GREB1: variants seen among roughly 807,000 people sequenced by gnomAD.
GREB1 encodes the protein protein GREB1.
GREB1 carries 106 observed loss-of-function variants against 200.7 expected under a neutral mutation model. The observed-to-expected ratio is 0.53, with a 90% CI of 0.45 to 0.62. The LOEUF (loss-of-function observed/expected upper bound fraction) is 0.62, where lower values mean the gene tolerates loss of function less well. Among genes scored for constraint, GREB1 ranks in the 20% least tolerant of loss-of-function variants. The pLI is 0.00. For synonymous variants in GREB1, 1,132 were observed against 1,092.4 expected, an observed-to-expected ratio of 1.04 and a Z score of -0.72; for missense variants, 2,243 against 2,556.8, an observed-to-expected ratio of 0.88 and a Z score of 2.65.
Position 11,573,505 on chromosome 2 carries a change from T to C in GREB1, c.455-2848T>C, listed in dbSNP as rs887972131. Among the ~76,000 whole-genome samples the C allele has an allele frequency of 2.0e-5, 3 of 152,188 alleles. No individual in the cohort carries two copies. The East Asian group carries it at 5.8e-4, about 29-fold the overall frequency. Reference sequence around the variant, plus strand: ...GTAGATTTCTGAAGAGAACGGCTCATTATTTTCCTCTTTCTCATGAACATT... The same window carrying C: ...GTAGATTTCTGAAGAGAACGGCTCACTATTTTCCTCTTTCTCATGAACATT... On this transcript the variant is annotated intron_variant, in intron 4 of 32. Transcript: ENST00000381486.
At chr2:11,487,997 G>A (rs911795649) in intron 1 of GREB1, among the ~76,000 whole-genome samples, 4 of 152,150 alleles carry the variant, frequency 2.6e-5, no homozygotes, top group African/African-American at 9.7e-5. Flanking sequence ...TTCGCCTCTC[G>A]GGGCTCAGGT....
At chr2:11,513,908 G>C (rs1250489300) in intron 1 of GREB1, among the ~76,000 whole-genome samples, 1 of 152,186 alleles carries the variant, frequency 6.6e-6, no homozygotes, top group African/African-American at 2.4e-5. Context: ...ATAATCTGTG[G>C]CAGGTACTGA....
At chr2:11,638,049 T>C in intron 31 of GREB1, 133 bp downstream of exon 31, 1 of 771,826 alleles carries the variant, frequency 1.3e-6, no homozygotes, top group Non-Finnish European at 2.1e-6. Context: ...TTGTAGGTTT[T>C]GCCATTCAGC....
In GREB1 at chr2:11,597,604, C is replaced by T. The variant is rs1275806573; in HGVS notation, c.1955-177C>T. ...GCATAAAATGATTGCTACCCCCACA[C>T]CCGCCACTGCTTAGCTGAGAGCAGG... On this transcript the variant is annotated intron_variant, in intron 13 of 32. Coordinates refer to ENST00000381486, the MANE Select transcript of GREB1 (RefSeq NM_014668.4). This position sits in a 1 kb window ranked among gnomAD's most constrained non-coding sequence, Gnocchi z 4.1. 6.6e-6 allele frequency among the ~76,000 whole-genome samples: 1 copy of T among 152,172 alleles called. No homozygotes were observed. Among genetic ancestry groups the T allele is most frequent in the South Asian group, 2.1e-4 (1 of 4,822 alleles).
intron 1 of GREB1, among the ~76,000 whole-genome samples, chr2:11,503,194 T>G (rs773697191): frequency 1.1e-4 from 16 of 152,182 alleles, no homozygotes; most frequent in Non-Finnish European, 1.8e-4. Context: ...GGAAGTCCCC[T>G]TTTCTCCTCC....
chr2:11,637,288 A>G (rs1685459420), intron 30 of GREB1, among the ~76,000 whole-genome samples: 1 of 150,922 alleles, frequency 6.6e-6, no homozygotes, highest in African/African-American at 2.4e-5. Flanking sequence ...GTAGATGTAA[A>G]CGTGTTGGTG....
chr2:11,521,890 T>C (rs528109910), intron 1 of GREB1, among the ~76,000 whole-genome samples: 1 of 152,326 alleles, frequency 6.6e-6, no homozygotes, highest in East Asian at 1.9e-4. Context: ...TTGTACAATG[T>C]ACTCCACTGT....
intron 30 of GREB1, 98 bp from the exon 31 acceptor site, chr2:11,637,618 C>A: frequency 3.1e-6 from 3 of 960,944 alleles, no homozygotes; most frequent in Admixed American, 1.9e-5. Context: ...CTGAGTGACA[C>A]AAGCTCCCAT....
rs1685838994 is a variant in GREB1 at position 11,641,931 on chromosome 2, A to G, written c.*1477A>G. On this transcript the variant is annotated 3_prime_UTR_variant, in exon 33 of 33. Transcript: ENST00000381486. Reference sequence around the variant, plus strand: ...AAGATGAGAAGGTTGAGATGCAAAGAGTCTACCTTTCCAAGTTCTCACTGC... The same window carrying G: ...AAGATGAGAAGGTTGAGATGCAAAGGGTCTACCTTTCCAAGTTCTCACTGC... The G allele has an allele frequency of 6.6e-6, 1 of 152,184 alleles. No homozygotes were observed. 9.4% of individuals were successfully genotyped at this position (152,184 alleles called of 1,614,324 possible).
Position 11,582,702 on chromosome 2 carries a change from G to A in GREB1, c.901+1870G>A, listed in dbSNP as rs143830921. Among the ~76,000 whole-genome samples the A allele has an allele frequency of 3.0e-3, 460 of 152,354 alleles. 2 individuals carry two copies. Among genetic ancestry groups the A allele is most frequent in the African/African-American group, 9.6e-3 (398 of 41,588 alleles). Reference sequence around the variant, plus strand: ...CTGGTACCAGCTGCTGGGGAGCTCCGCCAGAGGGCATGACGCTGGCTGGGT... The same window carrying A: ...CTGGTACCAGCTGCTGGGGAGCTCCACCAGAGGGCATGACGCTGGCTGGGT... On this transcript the variant is annotated intron_variant, in intron 7 of 32. Transcript: ENST00000381486.
chr2:11,614,884 A>G (rs1683272287), intron 19 of GREB1, among the ~76,000 whole-genome samples: 2 of 152,184 alleles, frequency 1.3e-5, no homozygotes, highest in Non-Finnish European at 2.9e-5. Context: ...AGCTAAATGC[A>G]TAGTGGGTGT....
At chr2:11,600,302 G>A (rs1479116481) in intron 15 of GREB1, among the ~76,000 whole-genome samples, 3 of 152,016 alleles carry the variant, frequency 2.0e-5, no homozygotes, top group African/African-American at 7.3e-5. Context: ...TTTGTCCCAC[G>A]GAAAAGTGCA....
At position 11,640,210 on chromosome 2, in the gene GREB1, T is replaced by C. The variant is rs1164876399; in HGVS notation, c.5687-81T>C. On this transcript the variant is annotated intron_variant, in intron 32 of 32. Coordinates refer to ENST00000381486, the MANE Select transcript of GREB1 (RefSeq NM_014668.4). The surrounding 1 kb of genome is among the most constrained non-coding windows in gnomAD (Gnocchi z 4.6). ...TCCCAACAGCGCCCTGTCTTGTCAT[T>C]GCAAGTAGAATCCGGGCAGCCGCTT... 11 of 1,396,932 alleles carry C rather than the reference T, an allele frequency of 7.9e-6. No homozygotes were observed. The highest frequency in any genetic ancestry group is 1.1e-5 in the Non-Finnish European group (11 of 1,025,414). The allele number at this position is 1,396,932 out of a possible 1,614,324, so 86.5% of individuals were successfully genotyped here.
chr2:11,518,315 C>A lies in GREB1; in HGVS notation c.-159+35934C>A, dbSNP rs115243079. Among the ~76,000 whole-genome samples, 754 of 152,252 alleles carry A rather than the reference C, an allele frequency of 5.0e-3. 5 individuals are homozygous for A. The highest frequency in any genetic ancestry group is 0.017 in the African/African-American group (717 of 41,542). On this transcript the variant is annotated intron_variant, in intron 1 of 2. Coordinates refer to the GREB1 transcript ENST00000628795. ...AAATTCGTGTATAGGAGAAAGTAGTCATGCTCATTTAAAGGTATTTTGGGC... is the reference window on the plus strand; with the variant it reads ...AAATTCGTGTATAGGAGAAAGTAGTAATGCTCATTTAAAGGTATTTTGGGC...
intron 1 of GREB1, among the ~76,000 whole-genome samples, chr2:11,500,307 G>A (rs1032760149): frequency 3.3e-5 from 5 of 152,150 alleles, no homozygotes; most frequent in South Asian, 4.1e-4. Context: ...GATTACAGGC[G>A]TGTGCCACTA....
At chr2:11,587,407 G>T in intron 9 of GREB1, 1 of 1,613,786 alleles carries the variant, frequency 6.2e-7, no homozygotes, top group Non-Finnish European at 8.5e-7. Flanking sequence ...CTACCCAAAT[G>T]GTAGCCCTTG....
At chr2:11,598,933 GC>G in intron 15 of GREB1, 73 bp downstream of exon 15, 2 of 1,268,766 alleles carry the variant, frequency 1.6e-6, no homozygotes, top group Non-Finnish European at 2.3e-6. Flanking sequence ...GTTCCCGGGG[GC>G]TGAGGGTACA....
chr2:11,608,262 C>T (rs1012142353), intron 17 of GREB1, among the ~76,000 whole-genome samples: 1 of 152,178 alleles, frequency 6.6e-6, no homozygotes, highest in Non-Finnish European at 1.5e-5. Context: ...TATATCTTCA[C>T]TCAACAAGTT....
chr2:11,583,722 G>A (rs1023941785), intron 7 of GREB1, among the ~76,000 whole-genome samples: 8 of 152,064 alleles, frequency 5.3e-5, no homozygotes, highest in Non-Finnish European at 1.2e-4. Context: ...GGCCGGGTGT[G>A]GTGGTGCGCG....
Sources: gnomAD v4.1 joint callset for allele counts (sites outside exome capture counted in the v4.1 genomes callset) on GRCh38, gnomAD v4.1.1 for gene constraint, Gnocchi (gnomAD v3.1) non-coding constraint, MANE v1.5 for transcripts, NCBI Gene and HGNC (gene_info 2026-07-23, HGNC 2026-07-21) for gene names.